Variants in GLIS3 observed in about 807,000 individuals in gnomAD.
GLIS3 encodes GLIS family zinc finger 3.
Under a neutral mutation model 78.6 loss-of-function variants are expected in GLIS3, and 53 were observed. The ratio of observed to expected loss-of-function variants is 0.67; its 90% CI spans 0.54 to 0.85. The LOEUF (loss-of-function observed/expected upper bound fraction) is 0.85, where lower values mean the gene tolerates loss of function less well. Ranked by LOEUF, GLIS3 falls within the 40% of genes least tolerant of loss-of-function variation. The pLI is 0.00. For synonymous variants in GLIS3, 684 were observed against 509.9 expected (o/e 1.34, Z -4.60); for missense variants, 1,703 against 1,231.1 (o/e 1.38, Z -5.74).
upstream of GLIS3, among the ~76,000 whole-genome samples, chr9:4,303,100 G>T (rs970010223): frequency 7.1e-6 from 1 of 141,114 alleles, no homozygotes; most frequent in Non-Finnish European, 1.6e-5. Flanking sequence ...ACTGCTATTT[G>T]AGTCACCCTG....
chr9:4,298,806 G>A (rs1046026324), intron 1 of GLIS3, among the ~76,000 whole-genome samples: 2 of 152,138 alleles, frequency 1.3e-5, no homozygotes, highest in Non-Finnish European at 1.5e-5. Context: ...GCCGGTACCC[G>A]CGAGGAGTGT....
chr9:4,205,175 CAAAAAA>C (rs200420029), intron 2 of GLIS3, among the ~76,000 whole-genome samples: 6 of 124,772 alleles, frequency 4.8e-5, no homozygotes, highest in Admixed American at 2.5e-4. Context: ...GAGACTCTGT[CAAAAAA>C]AAAAAAAAAA....
intron 4 of GLIS3, among the ~76,000 whole-genome samples, chr9:4,097,124 C>A (rs898667357): frequency 6.6e-6 from 1 of 152,178 alleles, no homozygotes; most frequent in African/African-American, 2.4e-5. Flanking sequence ...AGAAATCTTC[C>A]TCCCATTAGG....
chr9:4,236,349 T>A (rs1198006116), intron 2 of GLIS3, among the ~76,000 whole-genome samples: 1 of 152,128 alleles, frequency 6.6e-6, no homozygotes, highest in Non-Finnish European at 1.5e-5. Flanking sequence ...CTTATTAAAG[T>A]TGTGAGTTTT....
intron 4 of GLIS3, among the ~76,000 whole-genome samples, chr9:4,059,829 T>TGAGA (rs1004608610): frequency 0.018 from 1,844 of 100,558 alleles, 18 homozygotes; most frequent in African/African-American, 0.021. Context: ...TGTGTGTGTG[T>TGAGA]GAGAGAGAGA....
intron 4 of GLIS3, among the ~76,000 whole-genome samples, chr9:4,041,095 G>A (rs1171417161): frequency 6.6e-6 from 1 of 152,202 alleles, no homozygotes; most frequent in Non-Finnish European, 1.5e-5. Context: ...CATCTGCAAG[G>A]CAGGCATTTT....
chr9:3,892,017 C>G (rs906021448), intron 7 of GLIS3, among the ~76,000 whole-genome samples: 1 of 152,142 alleles, frequency 6.6e-6, no homozygotes, highest in African/African-American at 2.4e-5. Context: ...AGGACTTTCT[C>G]TACGTCCCCA....
intron 5 of GLIS3, chr9:3,932,687 TC>T (rs1825691151): frequency 2.0e-6 from 1 of 503,508 alleles, no homozygotes. Context: ...AGATGCCCTA[TC>T]CTTGATGATT....
In GLIS3 at chr9:4,003,189, G is replaced by A. The variant is rs960976783; in HGVS notation, c.1711-66000C>T. ...GGGCCCAGGAGTCTGAGACCAGCCT[G>A]GGCAACATAGCAAGATCCCATCTCT... On this transcript the variant is annotated intron_variant, in intron 4 of 10. Transcript: ENST00000381971. Among the ~76,000 whole-genome samples, 6 of 152,116 alleles carry A rather than the reference G, an allele frequency of 3.9e-5. No homozygotes were observed. In the South Asian group the frequency reaches 1.0e-3, roughly 26 times the overall value.
chr9:4,140,553 C>T (rs1304011699), intron 2 of GLIS3, among the ~76,000 whole-genome samples: 3 of 152,112 alleles, frequency 2.0e-5, no homozygotes, highest in Non-Finnish European at 4.4e-5. Context: ...AATGAAGTCA[C>T]CCCTATTTCC....
chr9:4,260,905 T>C (rs61370945), intron 2 of GLIS3, among the ~76,000 whole-genome samples: 3,761 of 152,322 alleles, frequency 0.025, 162 homozygotes, highest in African/African-American at 0.085. Context: ...CACTAGCATA[T>C]GTAGCTACTG....
intron 2 of GLIS3, among the ~76,000 whole-genome samples, chr9:4,269,793 AG>A (rs1245414954): frequency 2.0e-5 from 3 of 152,210 alleles, no homozygotes; most frequent in Non-Finnish European, 4.4e-5. Flanking sequence ...GTAAAAAAAT[AG>A]TGTTGTGAAG....
the GLIS3 span, among the ~76,000 whole-genome samples, chr9:4,408,077 C>T: frequency 3.9e-4 from 60 of 152,118 alleles, no homozygotes; most frequent in Non-Finnish European, 6.8e-4. Context: ...TATCGTATGA[C>T]CCCAGTTAAA....
At chr9:4,200,747 C>T (rs926676207) in intron 2 of GLIS3, among the ~76,000 whole-genome samples, 1 of 152,166 alleles carries the variant, frequency 6.6e-6, no homozygotes, top group Non-Finnish European at 1.5e-5. Flanking sequence ...CGGCCAAATT[C>T]TACCAGACAT....
At chr9:4,427,928 G>A in the GLIS3 span, among the ~76,000 whole-genome samples, 4 of 151,658 alleles carry the variant, frequency 2.6e-5, no homozygotes, top group African/African-American at 9.7e-5. Flanking sequence ...GACTGCTTCT[G>A]ACCACCCAGA....
At chr9:3,935,461 A>C (rs1283325880) in intron 5 of GLIS3, among the ~76,000 whole-genome samples, 1 of 152,188 alleles carries the variant, frequency 6.6e-6, no homozygotes, top group Non-Finnish European at 1.5e-5. Context: ...TTCCAAAATG[A>C]TTTCTGAAAA....
chr9:4,185,195 G>A (rs574916017), intron 2 of GLIS3, among the ~76,000 whole-genome samples: 1 of 152,266 alleles, frequency 6.6e-6, no homozygotes, highest in South Asian at 2.1e-4. Context: ...AACGCAAAAT[G>A]CAAATCACAG....
At chr9:4,192,552 G>A (rs1353163063) in intron 2 of GLIS3, among the ~76,000 whole-genome samples, 1 of 152,178 alleles carries the variant, frequency 6.6e-6, no homozygotes, top group Non-Finnish European at 1.5e-5. Flanking sequence ...CCAACAGCTT[G>A]GTCAGGGTTA....
In GLIS3 at chr9:3,888,120, G is replaced by A. The variant is rs557866683; in HGVS notation, c.2129-8525C>T. 2.0e-5 allele frequency among the ~76,000 whole-genome samples: 3 copies of A among 152,240 alleles called. No homozygotes were observed. In the East Asian group the frequency reaches 5.8e-4, roughly 29 times the overall value. ...ATGTTAACCCTCATTGGGGCAGAGT[G>A]GGAAGGCAGAAAAAAAGGAGAAAGA... On this transcript the variant is annotated intron_variant, in intron 7 of 10. Coordinates refer to ENST00000381971, the MANE Select transcript of GLIS3 (RefSeq NM_001042413.2).
Sources: gnomAD v4.1 joint callset for allele counts (sites outside exome capture counted in the v4.1 genomes callset) on GRCh38, gnomAD v4.1.1 for gene constraint, MANE v1.5 for transcripts, NCBI Gene and HGNC (gene_info 2026-07-23, HGNC 2026-07-21) for gene names.